The following FHIP2A variants were observed in gnomAD, a reference collection of about 807,000 sequenced individuals.
FHIP2A encodes family with sequence similarity 160 member B1.
FHIP2A carries 46 observed loss-of-function variants against 93.5 expected under a neutral mutation model. That is an observed-to-expected ratio of 0.49 (90% CI 0.39 to 0.63). FHIP2A has a LOEUF of 0.63. FHIP2A is among the 20% of genes least tolerant of loss of function. The pLI is 0.00. For missense variants in FHIP2A, 769 were observed against 909.7 expected (o/e 0.85, Z 1.99); for synonymous variants, 332 against 326.5 (o/e 1.02, Z -0.18).
chr10:114,835,759 T>G, intron 4 of FHIP2A, 118 bp downstream of exon 4: 3 of 643,468 alleles, frequency 4.7e-6, no homozygotes, highest in Non-Finnish European at 7.6e-6. Context: ...AACATGCAAG[T>G]TAGCAAATAC....
intron 16 of FHIP2A, among the ~76,000 whole-genome samples, chr10:114,872,408 C>T (rs368625723): frequency 2.0e-5 from 3 of 152,280 alleles, no homozygotes; most frequent in African/African-American, 4.8e-5. Context: ...TTTTATAACC[C>T]ACACAATTTA....
chr10:114,859,599 A>C (rs968953518), intron 14 of FHIP2A, among the ~76,000 whole-genome samples: 5 of 152,208 alleles, frequency 3.3e-5, no homozygotes, highest in Non-Finnish European at 5.9e-5. Flanking sequence ...TGCTTAGAAG[A>C]AGCAAACTGG....
chr10:114,837,470 G>T (rs1183929680), intron 5 of FHIP2A, among the ~76,000 whole-genome samples: 1 of 152,202 alleles, frequency 6.6e-6, no homozygotes, highest in Non-Finnish European at 1.5e-5. Flanking sequence ...AGCCAAGATT[G>T]CAACACTGCA....
At chr10:114,892,027 A>G (rs2083977214) in intron 16 of FHIP2A, among the ~76,000 whole-genome samples, 1 of 152,190 alleles carries the variant, frequency 6.6e-6, no homozygotes, top group Non-Finnish European at 1.5e-5. Flanking sequence ...AGGAGAAACA[A>G]TATTAACCAC....
intron 5 of FHIP2A, among the ~76,000 whole-genome samples, chr10:114,837,515 A>C (rs1404339381): frequency 2.0e-5 from 3 of 152,242 alleles, no homozygotes; most frequent in African/African-American, 7.2e-5. Context: ...ACTCCGTCTC[A>C]AATAATACAA....
chr10:114,871,113 GTT>G (rs2083857688), intron 16 of FHIP2A, among the ~76,000 whole-genome samples: 2 of 144,190 alleles, frequency 1.4e-5, no homozygotes, highest in Non-Finnish European at 3.0e-5. Context: ...TATATATACT[GTT>G]ATATATATAT....
Position 114,887,611 on chromosome 10 carries a change from T to C in FHIP2A, c.2193-11879T>C, listed in dbSNP as rs186789018. Among the ~76,000 whole-genome samples, 13 of 152,330 alleles carry C rather than the reference T, an allele frequency of 8.5e-5. No homozygotes were observed. The East Asian group carries it at 1.5e-3, about 18-fold the overall frequency. ...CACGGGCTATGTTGCCGTTCATTAG[T>C]TAATTATTTGGGAAATGTTAGTTCC... On this transcript the variant is annotated intron_variant, in intron 16 of 16. Coordinates refer to the FHIP2A transcript ENST00000369250.
intron 13 of FHIP2A, among the ~76,000 whole-genome samples, chr10:114,851,543 T>A (rs1432550443): frequency 6.6e-6 from 1 of 152,094 alleles, no homozygotes; most frequent in Non-Finnish European, 1.5e-5. Context: ...CACTGACCTA[T>A]GTACCTGTCC....
At chr10:114,898,458 TCTGGC>T (rs939667444) in intron 16 of FHIP2A, among the ~76,000 whole-genome samples, 1 of 152,126 alleles carries the variant, frequency 6.6e-6, no homozygotes, top group Non-Finnish European at 1.5e-5. Flanking sequence ...GATAACCAGC[TCTGGC>T]CTGGGACAAC....
intron 5 of FHIP2A, 139 bp downstream of exon 5, chr10:114,836,385 T>C: frequency 1.5e-6 from 1 of 684,510 alleles, no homozygotes; most frequent in South Asian, 2.6e-5. Context: ...TATTTTTCCT[T>C]TAATATCACT....
intron 16 of FHIP2A, among the ~76,000 whole-genome samples, chr10:114,872,207 C>T (rs772209784): frequency 2.6e-5 from 4 of 152,202 alleles, no homozygotes; most frequent in Middle Eastern, 6.8e-3. Context: ...ACCTAAAAGA[C>T]AAAAACTTCC....
chr10:114,867,398 T>C (rs995012408), downstream of FHIP2A, among the ~76,000 whole-genome samples: 1 of 152,132 alleles, frequency 6.6e-6, no homozygotes, highest in African/African-American at 2.4e-5. Flanking sequence ...AGCTTGTGAT[T>C]TATGATCTCT....
At chr10:114,828,743 T>C (rs552467994) in intron 1 of FHIP2A, among the ~76,000 whole-genome samples, 1 of 152,314 alleles carries the variant, frequency 6.6e-6, no homozygotes, top group African/African-American at 2.4e-5. Context: ...TCTCCCCATG[T>C]TCTCCTTGAA....
At chr10:114,827,925 T>C (rs951070473) in intron 1 of FHIP2A, among the ~76,000 whole-genome samples, 1 of 152,102 alleles carries the variant, frequency 6.6e-6, no homozygotes, top group Non-Finnish European at 1.5e-5. Context: ...GGGGTTGAGA[T>C]AGTCATTGCA....
At chr10:114,827,409 C>G (rs1409126269) in intron 1 of FHIP2A, among the ~76,000 whole-genome samples, 3 of 152,142 alleles carry the variant, frequency 2.0e-5, no homozygotes, top group African/African-American at 4.8e-5. Context: ...AGTTCCAGCC[C>G]TCATAGAGCT....
At chr10:114,868,820 C>T (rs1338209952), downstream of FHIP2A, among the ~76,000 whole-genome samples, 1 of 152,104 alleles carries the variant, frequency 6.6e-6, no homozygotes, top group African/African-American at 2.4e-5. Context: ...TAATTTCTTC[C>T]AATGATGTGC....
At chr10:114,837,773 T>TAATTACATTA (rs1310058653) in intron 5 of FHIP2A, among the ~76,000 whole-genome samples, 3 of 152,204 alleles carry the variant, frequency 2.0e-5, no homozygotes, top group Non-Finnish European at 4.4e-5. Flanking sequence ...TCCCAAAAAG[T>TAATTACATTA]CATAGCAATG....
rs376500317 is a variant in FHIP2A, at chr10:114,843,840, T to C, written c.916T>C (p.Cys306Arg). ...GTGCCTTACACAGAGCACTTGCTTG[T>C]GTGAACTACTGACAGACAGACTTGC... ...AKCLTQSTCL[C>R]ELLTDRLASL... Residue 306 changes from cysteine to arginine, a missense_variant, in exon 7 of 17, where the codon TGT (cysteine) becomes CGT (arginine). By Grantham distance (180) the Cys-to-Arg change is radical. Coordinates refer to ENST00000369248, the MANE Select transcript of FHIP2A (RefSeq NM_020940.4). The C allele has an allele frequency of 3.7e-6, 6 of 1,611,968 alleles. No individual in the cohort carries two copies. Among genetic ancestry groups the C allele is most frequent in the Non-Finnish European group, 5.1e-6 (6 of 1,179,632 alleles).
intron 16 of FHIP2A, among the ~76,000 whole-genome samples, chr10:114,876,358 C>T (rs2083889243): frequency 1.3e-5 from 2 of 152,226 alleles, no homozygotes; most frequent in African/African-American, 4.8e-5. Flanking sequence ...ACAGCTCCCC[C>T]TCATCGCCCG....
Sources: gnomAD v4.1 joint callset for allele counts (sites outside exome capture counted in the v4.1 genomes callset) on GRCh38, gnomAD v4.1.1 for gene constraint, MANE v1.5 for transcripts, NCBI Gene and HGNC (gene_info 2026-07-23, HGNC 2026-07-21) for gene names.